NDEL1: variants seen among roughly 807,000 people sequenced by gnomAD.
NDEL1 encodes nudE neurodevelopment protein 1 like 1, also known as nuclear distribution protein nudE-like 1.
A neutral mutation model predicts 45.7 loss-of-function variants in NDEL1; 9 were observed. That is an observed-to-expected ratio of 0.20 (90% CI 0.12 to 0.34). The LOEUF (loss-of-function observed/expected upper bound fraction) is 0.34. Ranked by LOEUF, NDEL1 falls within the 10% of genes least tolerant of loss-of-function variation. The pLI, the probability that NDEL1 is intolerant of heterozygous loss-of-function variation, is 1.00. For missense variants in NDEL1, 306 were observed against 406.2 expected (o/e 0.75, Z 2.12); for synonymous variants, 133 against 158.6 (o/e 0.84, Z 1.21).
Position 8,446,826 on chromosome 17 carries a change from C to G in NDEL1, c.313C>G (p.Arg105Gly). 6.2e-7 allele frequency: 1 copy of G among 1,614,182 alleles called. No homozygotes were observed. Among genetic ancestry groups the G allele is most frequent in the Non-Finnish European group, 8.5e-7 (1 of 1,180,030 alleles). Residue 105 changes from arginine to glycine, a missense_variant, in exon 4 of 9, where the codon CGG becomes GGG. Around this residue, in one of 3 missense-constraint regions of NDEL1, gnomAD observed 112 missense variants for 148.3 expected, o/e 0.76. Coordinates refer to ENST00000334527, the MANE Select transcript of NDEL1 (RefSeq NM_030808.5). ...GTTAGAAGATGATTTAAGTCAGACT[C>G]GGGCCATTAAGGAGCAGTTGCATAA... ...SVLEDDLSQT[R>G]AIKEQLHKYV...
At chr17:8,447,022 C>A in intron 4 of NDEL1, 120 bp downstream of exon 4, 1 of 1,252,126 alleles carries the variant, frequency 8.0e-7, no homozygotes, top group Non-Finnish European at 1.1e-6. Flanking sequence ...TGTTTCATGT[C>A]ACCTGTAACT....
chr17:8,463,739 C>T (rs369887189), intron 8 of NDEL1, among the ~76,000 whole-genome samples: 1 of 152,250 alleles, frequency 6.6e-6, no homozygotes, highest in East Asian at 1.9e-4. Context: ...CCAGTTGCTT[C>T]TGTTTTCTCA....
intron 1 of NDEL1, among the ~76,000 whole-genome samples, chr17:8,421,745 T>A (rs1908712864): frequency 6.6e-6 from 1 of 152,118 alleles, no homozygotes; most frequent in Non-Finnish European, 1.5e-5. Flanking sequence ...GATCAGCAAT[T>A]CCTTAGGGCA....
At chr17:8,454,720 C>A in intron 6 of NDEL1, 76 bp from the exon 7 acceptor site, 1 of 1,047,284 alleles carries the variant, frequency 9.5e-7, no homozygotes, top group Non-Finnish European at 1.5e-6. Context: ...TGTTACACTA[C>A]TTTGTAACAT....
chr17:8,416,589 G>A (rs879932136), intron 1 of NDEL1, among the ~76,000 whole-genome samples: 3 of 152,170 alleles, frequency 2.0e-5, no homozygotes, highest in Non-Finnish European at 4.4e-5. Context: ...GTCTGTGGAA[G>A]TTTTTAGGAG....
chr17:8,428,876 T>C (rs553442717), intron 1 of NDEL1, among the ~76,000 whole-genome samples: 6 of 152,036 alleles, frequency 3.9e-5, no homozygotes, highest in Admixed American at 2.6e-4. Flanking sequence ...GGTTTCACCG[T>C]GTTAGCCAAG....
chr17:8,446,750 T>A lies in NDEL1; in HGVS notation c.241-4T>A. On this transcript the variant is annotated splice_polypyrimidine_tract_variant and splice_region_variant and intron_variant, in intron 3 of 8. Transcript: ENST00000334527. ...CATGTACTTTCCTATACTGATGCCC[T>A]CAGGAGAAGCTAGAGCATCAATATG... 1.2e-6 allele frequency: 2 copies of A among 1,613,994 alleles called. No homozygotes were observed. Among genetic ancestry groups the A allele is most frequent in the Non-Finnish European group, 1.7e-6 (2 of 1,179,954 alleles).
chr17:8,439,938 G>A (rs1909622404), intron 1 of NDEL1, among the ~76,000 whole-genome samples: 1 of 152,312 alleles, frequency 6.6e-6, no homozygotes, highest in East Asian at 1.9e-4. Context: ...CAAGTAGTGA[G>A]TAGATGCATC....
intron 7 of NDEL1, among the ~76,000 whole-genome samples, chr17:8,458,702 G>A (rs908514634): frequency 6.6e-6 from 1 of 152,010 alleles, no homozygotes; most frequent in South Asian, 2.1e-4. Flanking sequence ...GAAAGAAGGA[G>A]AAGAAAAAAG....
chr17:8,455,082 T>G (rs1041577333), intron 7 of NDEL1, among the ~76,000 whole-genome samples, 195 bp downstream of exon 7: 1 of 152,220 alleles, frequency 6.6e-6, no homozygotes, highest in African/African-American at 2.4e-5. Flanking sequence ...GCCTGTACCT[T>G]GAACTCTGAG....
At chr17:8,434,667 T>C (rs1909144905), upstream of NDEL1, among the ~76,000 whole-genome samples, 1 of 152,134 alleles carries the variant, frequency 6.6e-6, no homozygotes. Context: ...TTTCCCTCCT[T>C]TTTGGGCTAG....
At chr17:8,433,072 G>C (rs2313150), upstream of NDEL1, among the ~76,000 whole-genome samples, 141,448 of 151,670 alleles carry the variant, frequency 0.93, 66,763 homozygotes, top group East Asian at 1. Context: ...CTGGTAAAGC[G>C]AAGTTTCATT....
At chr17:8,423,651 T>A (rs1268797909) in intron 1 of NDEL1, among the ~76,000 whole-genome samples, 1 of 152,102 alleles carries the variant, frequency 6.6e-6, no homozygotes. Flanking sequence ...GCCACTGCAC[T>A]CCAGTCTGGG....
chr17:8,459,887 AACC>A (rs1911087192), intron 7 of NDEL1, 119 bp from the exon 8 acceptor site: 4 of 968,312 alleles, frequency 4.1e-6, no homozygotes, highest in African/African-American at 1.6e-5. Context: ...TGGCTGAACT[AACC>A]ACCATTATCA....
At chr17:8,418,235 C>T (rs139095228) in intron 1 of NDEL1, among the ~76,000 whole-genome samples, 4 of 151,990 alleles carry the variant, frequency 2.6e-5, no homozygotes, top group African/African-American at 7.3e-5. Context: ...AATTTTTGTT[C>T]GATCTTTCTT....
At chr17:8,445,530 C>T (rs1366545558) in intron 2 of NDEL1, among the ~76,000 whole-genome samples, 181 bp from the exon 3 acceptor site, 1 of 152,112 alleles carries the variant, frequency 6.6e-6, no homozygotes, top group Non-Finnish European at 1.5e-5. Flanking sequence ...CCTTTTTGGG[C>T]TTGTCGTTTT....
chr17:8,414,243 A>G (rs1396863179), intron 1 of NDEL1, among the ~76,000 whole-genome samples: 1 of 152,148 alleles, frequency 6.6e-6, no homozygotes, highest in Non-Finnish European at 1.5e-5. Flanking sequence ...ACAGTGCCAC[A>G]GTAAACATCA....
rs995374329 is a variant in NDEL1, at chr17:8,430,028, G to A, written c.-12-14232G>A. ...TCTTTGGGCTTTGGTGACCACATGC[G>A]TGAGATGCAAGCTGGGGAGGGAAAT... is the stretch of plus-strand genomic sequence containing the variant. On this transcript the variant is annotated intron_variant, in intron 1 of 4. Coordinates refer to the NDEL1 transcript ENST00000582812. Among the ~76,000 whole-genome samples, 12 of 152,302 alleles carry A rather than the reference G, an allele frequency of 7.9e-5. 1 individual carries two copies. Among genetic ancestry groups the A allele is most frequent in the Admixed American group, 4.6e-4 (7 of 15,302 alleles).
chr17:8,436,573 G>A (rs1909358477), intron 1 of NDEL1: 1 of 152,298 alleles, frequency 6.6e-6, no homozygotes, highest in South Asian at 2.1e-4. Flanking sequence ...ACTCCCGCCC[G>A]GAACTGCTAA....
Sources: allele counts gnomAD v4.1 joint callset (sites outside exome capture counted in the v4.1 genomes callset), GRCh38; gene constraint gnomAD v4.1.1; regional missense constraint gnomAD v4.1.1; transcripts MANE v1.5; gene names NCBI Gene and HGNC (gene_info 2026-07-23, HGNC 2026-07-21).